Variants in TAOK1 observed in about 807,000 individuals in gnomAD.
TAOK1 encodes the protein serine/threonine-protein kinase TAO1.
Under a neutral mutation model 138.3 loss-of-function variants are expected in TAOK1, and 21 were observed. The observed-to-expected ratio is 0.15, with a 90% CI of 0.11 to 0.22. The LOEUF is 0.22. Among genes scored for constraint, TAOK1 ranks in the 10% least tolerant of loss-of-function variants. The pLI, the probability that TAOK1 is intolerant of heterozygous loss-of-function variation, is 1.00. For synonymous variants in TAOK1, 361 were observed against 398.4 expected (o/e 0.91, Z 1.12); for missense variants, 651 against 1,227.7 (o/e 0.53, Z 7.02).
At chr17:29,530,117 C>T (rs2032078222) in intron 17 of TAOK1, among the ~76,000 whole-genome samples, 1 of 152,136 alleles carries the variant, frequency 6.6e-6, no homozygotes, top group Non-Finnish European at 1.5e-5. Flanking sequence ...CTACTCAGGT[C>T]ACTAACTTTA....
At chr17:29,491,998 C>T (rs2031304919) in intron 10 of TAOK1, 133 bp downstream of exon 10, 3 of 604,404 alleles carry the variant, frequency 5.0e-6, no homozygotes, top group Admixed American at 2.7e-5. Flanking sequence ...GATCCTCCCA[C>T]CTCAGCCTCC....
chr17:29,470,249 G>A (rs1171365828), intron 3 of TAOK1, among the ~76,000 whole-genome samples: 1 of 152,164 alleles, frequency 6.6e-6, no homozygotes, highest in Non-Finnish European at 1.5e-5. Context: ...TCATGAAGTA[G>A]CTTAAGACCA....
chr17:29,502,996 C>A (rs1598510867), intron 13 of TAOK1, among the ~76,000 whole-genome samples: 1 of 152,134 alleles, frequency 6.6e-6, no homozygotes, highest in Admixed American at 6.6e-5. Context: ...ATTCAGATAA[C>A]TTTTGATTAG....
At chr17:29,447,955 C>CTTTTTTTT (rs56163080) in intron 1 of TAOK1, among the ~76,000 whole-genome samples, 8 of 93,238 alleles carry the variant, frequency 8.6e-5, no homozygotes, top group Admixed American at 1.2e-4. Flanking sequence ...TGCACCTGGT[C>CTTTTTTTT]TTTTTTTTTT....
At chr17:29,418,329 A>AGTG (rs1484596245) in intron 1 of TAOK1, among the ~76,000 whole-genome samples, 2 of 152,158 alleles carry the variant, frequency 1.3e-5, no homozygotes, top group African/African-American at 4.8e-5. Context: ...GACTGCAGGC[A>AGTG]CATGCCACCG....
chr17:29,411,088 GTT>G (rs71138814), intron 1 of TAOK1, among the ~76,000 whole-genome samples: 170 of 94,042 alleles, frequency 1.8e-3, no homozygotes, highest in African/African-American at 3.2e-3. Context: ...TCTTTTTACT[GTT>G]TTTTTTTTTT....
chr17:29,409,334 T>TATATATA (rs1491526747), intron 1 of TAOK1, among the ~76,000 whole-genome samples: 28 of 44,494 alleles, frequency 6.3e-4, no homozygotes, highest in South Asian at 1.5e-3. Context: ...TATATATATA[T>TATATATA]TTTTTTTTTT....
chr17:29,480,542 T>A, intron 7 of TAOK1, 61 bp downstream of exon 7: 1 of 1,408,992 alleles, frequency 7.1e-7, no homozygotes, highest in Non-Finnish European at 9.9e-7. Flanking sequence ...TAACATGAAA[T>A]ACAAATGAAG....
intron 12 of TAOK1, among the ~76,000 whole-genome samples, chr17:29,500,239 A>G (rs937160694): frequency 2.0e-5 from 3 of 152,138 alleles, no homozygotes; most frequent in African/African-American, 2.4e-5. Context: ...ACTTGAACCC[A>G]GGAGGTAGAG....
At chr17:29,538,696 A>G (rs1248739659) in intron 19 of TAOK1, among the ~76,000 whole-genome samples, 2 of 152,258 alleles carry the variant, frequency 1.3e-5, no homozygotes, top group Non-Finnish European at 2.9e-5. Flanking sequence ...TAAGTCTCCA[A>G]GTGAACCAAA....
rs1163645362 is a variant in TAOK1, at chr17:29,451,689, T to G, written c.132+9T>G. The G allele has an allele frequency of 6.2e-7, 1 of 1,609,562 alleles. No individual in the cohort carries two copies. Among genetic ancestry groups the G allele is most frequent in the South Asian group, 1.1e-5 (1 of 90,390 alleles). ...TTGGAGCAGTGTATTTTGTAAGTGT[T>G]AGTGGCTTGATGTCAGTGACTAAAA... On this transcript the variant is annotated intron_variant, in intron 2 of 19. Coordinates refer to ENST00000261716, the MANE Select transcript of TAOK1 (RefSeq NM_020791.4).
chr17:29,521,991 T>C (rs184770043), intron 16 of TAOK1, among the ~76,000 whole-genome samples: 4 of 152,314 alleles, frequency 2.6e-5, no homozygotes, highest in African/African-American at 9.6e-5. Context: ...TCTTCAAATA[T>C]AAAATTAGGA....
intron 2 of TAOK1, among the ~76,000 whole-genome samples, chr17:29,466,711 T>TA (rs1387937221): frequency 1.3e-5 from 2 of 152,224 alleles, no homozygotes; most frequent in African/African-American, 4.8e-5. Context: ...CATTCATTGG[T>TA]ATTCTTTTCA....
chr17:29,451,103 C>T (rs1056366624), intron 1 of TAOK1, among the ~76,000 whole-genome samples: 1 of 152,174 alleles, frequency 6.6e-6, no homozygotes, highest in Non-Finnish European at 1.5e-5. Context: ...ATACTGTGGG[C>T]ACATCTTGCG....
rs75589789 is a variant in TAOK1, at chr17:29,417,376, T to C, written c.-95+26352T>C. On this transcript the variant is annotated intron_variant, in intron 1 of 19. Coordinates refer to ENST00000261716, the MANE Select transcript of TAOK1 (RefSeq NM_020791.4). ...TTATTGTTTAGTTTTTAATTCCTTA[T>C]GTATTCAGGATAAGCCCTTATTAGA... 5.0e-3 allele frequency among the ~76,000 whole-genome samples: 760 copies of C among 152,348 alleles called. 12 individuals carry two copies. Among genetic ancestry groups the C allele is most frequent in the African/African-American group, 0.018 (733 of 41,578 alleles).
In TAOK1 at chr17:29,550,334, G is replaced by A. The variant is rs2032469393; in HGVS notation, c.*7312G>A. On this transcript the variant is annotated 3_prime_UTR_variant, in exon 20 of 20. Coordinates refer to ENST00000261716, the MANE Select transcript of TAOK1 (RefSeq NM_020791.4). ...CCGGACTGTTCCAATCTGATAATTT[G>A]TAAATGCTTTAGAGTTTTTTTAATT... is the stretch of plus-strand genomic sequence containing the variant. 2 of 152,106 alleles carry A rather than the reference G, an allele frequency of 1.3e-5. No homozygotes were observed. Among genetic ancestry groups the A allele is most frequent in the Non-Finnish European group, 2.9e-5 (2 of 68,024 alleles). The allele number at this position is 152,106 out of a possible 1,614,324, so 9.4% of individuals were successfully genotyped here. A position where few individuals can be genotyped will look rare whatever the true frequency, so the allele number is the denominator to read the frequency against.
At chr17:29,528,995 A>G (rs2032059936) in intron 17 of TAOK1, among the ~76,000 whole-genome samples, 1 of 141,014 alleles carries the variant, frequency 7.1e-6, no homozygotes. Context: ...TTAAGAGACC[A>G]GTGTCTCACT....
chr17:29,412,068 G>T (rs1905158952), intron 1 of TAOK1, among the ~76,000 whole-genome samples: 1 of 147,100 alleles, frequency 6.8e-6, no homozygotes, highest in African/African-American at 2.5e-5. Context: ...TTTGAAACAG[G>T]ATCTCACTCT....
At chr17:29,438,766 CT>C (rs1195824931) in intron 1 of TAOK1, among the ~76,000 whole-genome samples, 44 of 152,282 alleles carry the variant, frequency 2.9e-4, no homozygotes, top group Admixed American at 8.5e-4. Flanking sequence ...TAATTACTGT[CT>C]AACAAGAGAC....
Sources: gnomAD v4.1 joint callset for allele counts (sites outside exome capture counted in the v4.1 genomes callset) on GRCh38, gnomAD v4.1.1 for gene constraint, MANE v1.5 for transcripts, NCBI Gene and HGNC (gene_info 2026-07-23, HGNC 2026-07-21) for gene names.